The following RBFOX1 variants were observed in gnomAD, a reference collection of about 807,000 sequenced individuals.
RBFOX1 encodes RNA binding fox-1 homolog 1.
In RBFOX1, 8 loss-of-function variants were observed where a neutral mutation model predicts 57.7. The observed-to-expected ratio is 0.14, with a 90% CI of 0.08 to 0.25. The LOEUF is 0.25. Ranked by LOEUF, RBFOX1 falls within the 10% of genes least tolerant of loss-of-function variation. RBFOX1 has a pLI of 1.00. For synonymous variants in RBFOX1, 326 were observed against 222.4 expected, an observed-to-expected ratio of 1.47 and a Z score of -4.15; for missense variants, 611 against 548.5, an observed-to-expected ratio of 1.11 and a Z score of -1.14.
At chr16:5,528,689 G>A (rs566875972) in intron 2 of RBFOX1, among the ~76,000 whole-genome samples, 5 of 140,106 alleles carry the variant, frequency 3.6e-5, no homozygotes, top group African/African-American at 5.4e-5. Context: ...TCACTCTGTC[G>A]CCCAGGCTGG....
At chr16:6,009,151 G>A (rs879201702) in intron 4 of RBFOX1, among the ~76,000 whole-genome samples, 1 of 147,596 alleles carries the variant, frequency 6.8e-6, no homozygotes, top group Admixed American at 6.8e-5. Context: ...AGCCTCTTGT[G>A]CACACGGGTT....
At chr16:5,711,478 A>G (rs903291151) in intron 3 of RBFOX1, among the ~76,000 whole-genome samples, 2 of 152,210 alleles carry the variant, frequency 1.3e-5, no homozygotes, top group Non-Finnish European at 2.9e-5. Context: ...TTGGACAGAC[A>G]ATGTCACTGT....
At chr16:6,622,831 A>G (rs2098252152) in intron 2 of RBFOX1, among the ~76,000 whole-genome samples, 1 of 152,238 alleles carries the variant, frequency 6.6e-6, no homozygotes, top group Admixed American at 6.5e-5. Flanking sequence ...ATTGCTAGGC[A>G]CAGAGCAAAT....
At chr16:6,365,104 G>A (rs1319728983) in intron 2 of RBFOX1, among the ~76,000 whole-genome samples, 1 of 152,164 alleles carries the variant, frequency 6.6e-6, no homozygotes, top group African/African-American at 2.4e-5. Flanking sequence ...TAAAAAAAAG[G>A]TTTTGATAAA....
intron 1 of RBFOX1, among the ~76,000 whole-genome samples, chr16:6,167,999 T>A (rs1393555096): frequency 6.6e-6 from 1 of 152,166 alleles, no homozygotes; most frequent in Non-Finnish European, 1.5e-5. Flanking sequence ...CTTAGTGAAA[T>A]GTCATTAGAG....
Position 6,376,888 on chromosome 16 carries a change from C to T in RBFOX1, c.-64+59831C>T, listed in dbSNP as rs986575996. Among the ~76,000 whole-genome samples, 3 of 152,076 alleles carry T rather than the reference C, an allele frequency of 2.0e-5. 1 individual carries two copies. Among genetic ancestry groups the T allele is most frequent in the South Asian group, 4.2e-4 (2 of 4,818 alleles). On this transcript the variant is annotated intron_variant, in intron 2 of 15. Coordinates refer to ENST00000550418, the MANE Select transcript of RBFOX1 (RefSeq NM_018723.4). ...TTAGGGATCTGGCGGCCCTCAGCTT[C>T]GAGATGTGTCACTCCAATCTCTGGC...
intron 3 of RBFOX1, among the ~76,000 whole-genome samples, chr16:6,805,222 G>C (rs538492096): frequency 3.9e-5 from 6 of 152,158 alleles, no homozygotes; most frequent in African/African-American, 1.4e-4. Context: ...TAAAAAATGA[G>C]ATCCTGTCTT....
chr16:7,283,113 C>T (rs1004685052), intron 4 of RBFOX1, among the ~76,000 whole-genome samples: 1 of 151,986 alleles, frequency 6.6e-6, no homozygotes, highest in African/African-American at 2.4e-5. Flanking sequence ...TGGGTAGATA[C>T]CCAGTAGTGG....
At chr16:5,793,767 A>G (rs183591701) in intron 3 of RBFOX1, among the ~76,000 whole-genome samples, 245 of 151,094 alleles carry the variant, frequency 1.6e-3, no homozygotes, top group Admixed American at 4.5e-3. Flanking sequence ...GCATGCATGC[A>G]TGTGTGTATG....
At chr16:5,273,549 C>T (rs2063068315) in intron 1 of RBFOX1, among the ~76,000 whole-genome samples, 1 of 152,182 alleles carries the variant, frequency 6.6e-6, no homozygotes, top group South Asian at 2.1e-4. Context: ...TTTGGCTGGA[C>T]AATCCCCAAG....
chr16:6,635,664 T>C (rs541387584), intron 2 of RBFOX1, among the ~76,000 whole-genome samples: 1 of 152,194 alleles, frequency 6.6e-6, no homozygotes, highest in African/African-American at 2.4e-5. Flanking sequence ...GTAATTTCAG[T>C]AAATCCAATG....
intron 1 of RBFOX1, among the ~76,000 whole-genome samples, chr16:5,398,862 G>A (rs116146895): frequency 1.3e-5 from 2 of 152,312 alleles, no homozygotes; most frequent in East Asian, 1.9e-4. Flanking sequence ...CGTTTGAGGC[G>A]TAACCCGCAG....
chr16:7,342,592 A>G (rs903475103), intron 4 of RBFOX1, among the ~76,000 whole-genome samples: 5 of 152,068 alleles, frequency 3.3e-5, no homozygotes, highest in African/African-American at 4.8e-5. Flanking sequence ...GAGAATGTTT[A>G]CACTTCTCTG....
intron 11 of RBFOX1, among the ~76,000 whole-genome samples, chr16:7,640,437 A>G (rs1224915116): frequency 1.3e-5 from 2 of 152,222 alleles, no homozygotes; most frequent in Non-Finnish European, 2.9e-5. Flanking sequence ...AAAAACTACC[A>G]TCCCATGGTG....
intron 3 of RBFOX1, among the ~76,000 whole-genome samples, chr16:5,670,314 T>A (rs561495177): frequency 6.6e-6 from 1 of 152,342 alleles, no homozygotes; most frequent in East Asian, 1.9e-4. Context: ...CATTTAATCT[T>A]ATATGCATTT....
intron 5 of RBFOX1, among the ~76,000 whole-genome samples, chr16:7,573,306 G>T (rs980720739): frequency 2.6e-5 from 4 of 152,154 alleles, no homozygotes; most frequent in Non-Finnish European, 5.9e-5. Context: ...GTGGGAGGCA[G>T]TCACAGCCGA....
At chr16:6,233,007 C>A (rs2097476713) in intron 1 of RBFOX1, among the ~76,000 whole-genome samples, 1 of 152,130 alleles carries the variant, frequency 6.6e-6, no homozygotes, top group African/African-American at 2.4e-5. Flanking sequence ...GCGCCATTCC[C>A]ATTGAATTCT....
At chr16:6,762,101 G>C (rs561374193) in intron 3 of RBFOX1, among the ~76,000 whole-genome samples, 1 of 152,206 alleles carries the variant, frequency 6.6e-6, no homozygotes, top group Admixed American at 6.5e-5. Flanking sequence ...TGCTAGTTGA[G>C]TTACCTTGGG....
At chr16:6,836,526 G>A (rs955927906) in intron 3 of RBFOX1, among the ~76,000 whole-genome samples, 1 of 152,146 alleles carries the variant, frequency 6.6e-6, no homozygotes, top group Non-Finnish European at 1.5e-5. Flanking sequence ...TAGCCTTAGG[G>A]TATGACCACG....
Sources: gnomAD v4.1 joint callset for allele counts (sites outside exome capture counted in the v4.1 genomes callset) on GRCh38, gnomAD v4.1.1 for gene constraint, MANE v1.5 for transcripts, NCBI Gene and HGNC (gene_info 2026-07-23, HGNC 2026-07-21) for gene names.